Variants in NTM observed in about 807,000 individuals in gnomAD.
The protein encoded by NTM is IgLON family member 2.
A neutral mutation model predicts 42.1 loss-of-function variants in NTM; 13 were observed. The observed-to-expected ratio is 0.31, with a 90% confidence interval of 0.20 to 0.49. The LOEUF (loss-of-function observed/expected upper bound fraction) is 0.49. Ranked by LOEUF, NTM falls within the 20% of genes least tolerant of loss-of-function variation. The probability of loss-of-function intolerance (pLI) is 0.99; values close to 1 mark genes in which losing one functional copy is unlikely to be tolerated. For synonymous variants in NTM, 187 were observed against 179.2 expected, an observed-to-expected ratio of 1.04 and a Z score of -0.35; for missense variants, 373 against 452.8, an observed-to-expected ratio of 0.82 and a Z score of 1.60.
At chr11:131,960,397 A>G (rs1393378601) in intron 2 of NTM, among the ~76,000 whole-genome samples, 1 of 152,146 alleles carries the variant, frequency 6.6e-6, no homozygotes, top group Non-Finnish European at 1.5e-5. Flanking sequence ...TGCCCTGTAT[A>G]TCCATGTCAC....
At chr11:132,230,191 G>T (rs1234287312) in intron 4 of NTM, among the ~76,000 whole-genome samples, 3 of 152,222 alleles carry the variant, frequency 2.0e-5, no homozygotes, top group Non-Finnish European at 2.9e-5. Context: ...GGATTGATTG[G>T]AGGGGGACAT....
At chr11:131,479,277 C>T (rs1245878188) in intron 1 of NTM, among the ~76,000 whole-genome samples, 7 of 152,154 alleles carry the variant, frequency 4.6e-5, no homozygotes, top group South Asian at 2.1e-4. Context: ...ATAGAAGTCT[C>T]CATACAGGGC....
At chr11:132,033,615 A>G (rs1181165661) in intron 2 of NTM, among the ~76,000 whole-genome samples, 1 of 152,146 alleles carries the variant, frequency 6.6e-6, no homozygotes, top group Non-Finnish European at 1.5e-5. Context: ...TGCTCCCCCT[A>G]ATGCTGTCAC....
intron 1 of NTM, among the ~76,000 whole-genome samples, chr11:131,835,293 G>C (rs775405234): frequency 1.3e-5 from 2 of 152,090 alleles, no homozygotes; most frequent in African/African-American, 2.4e-5. Flanking sequence ...GTGCCATCGA[G>C]AATGTTGCTG....
chr11:131,646,404 T>C (rs2065777955), intron 1 of NTM, among the ~76,000 whole-genome samples: 1 of 152,184 alleles, frequency 6.6e-6, no homozygotes, highest in African/African-American at 2.4e-5. Context: ...ATTCTACAAG[T>C]CCAGCTTTCT....
chr11:131,899,354 G>C (rs1398769593), intron 1 of NTM, among the ~76,000 whole-genome samples: 3 of 152,122 alleles, frequency 2.0e-5, no homozygotes, highest in Admixed American at 1.3e-4. Context: ...CATAAATCAT[G>C]CACACACTTT....
At chr11:131,618,875 A>C (rs192957511) in intron 1 of NTM, among the ~76,000 whole-genome samples, 172 of 152,338 alleles carry the variant, frequency 1.1e-3, no homozygotes, top group African/African-American at 4.0e-3. Context: ...TTACGCCACC[A>C]ATGCAAGATG....
At chr11:132,277,578 C>A (rs574741055) in intron 4 of NTM, among the ~76,000 whole-genome samples, 1 of 152,078 alleles carries the variant, frequency 6.6e-6, no homozygotes. Flanking sequence ...AGAATTTGGG[C>A]GTACTTGAAT....
chr11:132,317,487 G>A (rs145017592), intron 7 of NTM, among the ~76,000 whole-genome samples: 359 of 152,164 alleles, frequency 2.4e-3, no homozygotes, highest in Non-Finnish European at 4.1e-3. Flanking sequence ...TTCTCTTGCC[G>A]CACCTTGTCC....
chr11:132,098,391 T>TG (rs2061271357), intron 2 of NTM, among the ~76,000 whole-genome samples: 1 of 152,240 alleles, frequency 6.6e-6, no homozygotes, highest in Non-Finnish European at 1.5e-5. Flanking sequence ...CCTTTGGCGT[T>TG]GCGGCCATCT....
chr11:131,982,630 G>A (rs1367155615), intron 2 of NTM, among the ~76,000 whole-genome samples: 2 of 152,108 alleles, frequency 1.3e-5, no homozygotes, highest in African/African-American at 4.8e-5. Context: ...TGAAAGGGGG[G>A]GCAGGGTGGA....
At chr11:132,209,395 G>GTGTGTA (rs560328993) in intron 3 of NTM, among the ~76,000 whole-genome samples, 2 of 152,074 alleles carry the variant, frequency 1.3e-5, no homozygotes, top group African/African-American at 4.8e-5. Context: ...GTGCAATTGA[G>GTGTGTA]TGTGTATGTG....
intron 1 of NTM, among the ~76,000 whole-genome samples, chr11:131,623,451 C>A (rs940776575): frequency 2.6e-5 from 4 of 152,244 alleles, no homozygotes; most frequent in Non-Finnish European, 4.4e-5. Flanking sequence ...AGATGCCATG[C>A]TGTCCACCGA....
At chr11:131,876,731 T>C (rs1317779960) in intron 1 of NTM, among the ~76,000 whole-genome samples, 2 of 152,222 alleles carry the variant, frequency 1.3e-5, no homozygotes, top group African/African-American at 2.4e-5. Flanking sequence ...AACCTCATTT[T>C]TTTCTGTCTG....
intron 1 of NTM, among the ~76,000 whole-genome samples, chr11:131,726,068 T>C (rs1393848542): frequency 6.6e-6 from 1 of 151,776 alleles, no homozygotes; most frequent in Non-Finnish European, 1.5e-5. Flanking sequence ...CCAGAGGAGG[T>C]AGATTGGTTT....
At chr11:131,910,909 G>A (rs2054773305) in intron 1 of NTM, 13 of 986,432 alleles carry the variant, frequency 1.3e-5, no homozygotes, top group African/African-American at 1.7e-5. Context: ...CCGCGCGGCC[G>A]TCTCCTCCGC....
chr11:131,598,555 C>G (rs565204584), intron 1 of NTM, among the ~76,000 whole-genome samples: 2 of 152,060 alleles, frequency 1.3e-5, no homozygotes, highest in Admixed American at 6.5e-5. Context: ...GCGGAGAGCT[C>G]CCCCCTCCAT....
chr11:131,746,857 A>G (rs2081896098), intron 1 of NTM, among the ~76,000 whole-genome samples: 2 of 152,178 alleles, frequency 1.3e-5, no homozygotes, highest in African/African-American at 4.8e-5. Flanking sequence ...AGTCAGTGAT[A>G]CCGAAAAGAA....
At chr11:131,463,211 T>C (rs958188082) in intron 1 of NTM, among the ~76,000 whole-genome samples, 2 of 152,210 alleles carry the variant, frequency 1.3e-5, no homozygotes, top group Non-Finnish European at 2.9e-5. Context: ...AGCCGGAGAT[T>C]GTAGGATCTG....
Sources: allele counts gnomAD v4.1 joint callset (sites outside exome capture counted in the v4.1 genomes callset), GRCh38; gene constraint gnomAD v4.1.1; transcripts MANE v1.5; gene names NCBI Gene and HGNC (gene_info 2026-07-23, HGNC 2026-07-21).